Variants in TTLL1 observed in about 807,000 individuals in gnomAD.
TTLL1 encodes the protein polyglutamylase complex subunit TTLL1.
TTLL1 carries 33 observed loss-of-function variants against 47.8 expected under a neutral mutation model. That is an observed-to-expected ratio of 0.69 (90% CI 0.52 to 0.92). TTLL1 has a LOEUF of 0.92. TTLL1 is among the 40% of genes least tolerant of loss of function. The probability of loss-of-function intolerance (pLI) is 0.00; values close to 1 mark genes in which losing one functional copy is unlikely to be tolerated. For synonymous variants in TTLL1, 225 were observed against 214.1 expected (o/e 1.05, Z -0.45); for missense variants, 488 against 547.5 (o/e 0.89, Z 1.08).
intron 3 of TTLL1, among the ~76,000 whole-genome samples, chr22:43,071,568 C>A (rs1353752698): frequency 6.6e-6 from 1 of 152,076 alleles, no homozygotes; most frequent in African/African-American, 2.4e-5. Flanking sequence ...AACCACCACA[C>A]ACCGCTAATT....
At chr22:43,068,248 C>T (rs1239480218) in intron 5 of TTLL1, among the ~76,000 whole-genome samples, 162 bp downstream of exon 5, 1 of 151,844 alleles carries the variant, frequency 6.6e-6, no homozygotes, top group African/African-American at 2.4e-5. Context: ...ACCCAGAAGG[C>T]GGAGGTTGCA....
At chr22:43,066,145 C>T (rs12168127) in intron 5 of TTLL1, among the ~76,000 whole-genome samples, 22 of 141,654 alleles carry the variant, frequency 1.6e-4, no homozygotes, top group African/African-American at 3.2e-4. Flanking sequence ...GGAGACAGAG[C>T]GAGACACTGT....
intron 3 of TTLL1, 110 bp from the exon 4 acceptor site, chr22:43,069,954 C>T: frequency 1.4e-6 from 2 of 1,465,182 alleles, no homozygotes; most frequent in Non-Finnish European, 1.8e-6. Context: ...CACCACTACT[C>T]CCACATCCCC....
At chr22:43,076,656 T>C (rs190404974) in intron 2 of TTLL1, among the ~76,000 whole-genome samples, 1,610 of 140,376 alleles carry the variant, frequency 0.011, 11 homozygotes, top group African/African-American at 0.02. Context: ...GAGGCTGAGG[T>C]AGGAGAATCA....
chr22:43,082,504 T>G lies in TTLL1; in HGVS notation c.-89-2518A>C, dbSNP rs530970904. Among the ~76,000 whole-genome samples the G allele has an allele frequency of 4.6e-5, 7 of 151,904 alleles. No homozygotes were observed. The South Asian group carries it at 1.5e-3, about 32-fold the overall frequency. ...GCTGAGGTGGGTGGATCACCTAAGG[T>G]CTGGAGTTCGAGACCAGCCTGACCA... is the stretch of plus-strand genomic sequence containing the variant. On this transcript the variant is annotated intron_variant, in intron 1 of 10. Coordinates refer to ENST00000266254, the MANE Select transcript of TTLL1 (RefSeq NM_012263.5).
chr22:43,068,160 T>TA (rs1248474614), intron 5 of TTLL1, among the ~76,000 whole-genome samples: 1 of 147,778 alleles, frequency 6.8e-6, no homozygotes, highest in Non-Finnish European at 1.5e-5. Context: ...ATTAAAAAAA[T>TA]ACAAAAATTA....
chr22:43,076,639 T>A (rs545538499), intron 2 of TTLL1, among the ~76,000 whole-genome samples: 1 of 150,460 alleles, frequency 6.6e-6, no homozygotes, highest in East Asian at 2.0e-4. Context: ...TAATCCCAGC[T>A]ACTCGGGAGG....
At chr22:43,049,938 T>C (rs1926474962) in intron 9 of TTLL1, among the ~76,000 whole-genome samples, 1 of 146,260 alleles carries the variant, frequency 6.8e-6, no homozygotes, top group Non-Finnish European at 1.5e-5. Flanking sequence ...TCTGCTAAAA[T>C]ACAAAAAATT....
At chr22:43,055,220 C>T (rs1317129246) in intron 8 of TTLL1, among the ~76,000 whole-genome samples, 2 of 152,024 alleles carry the variant, frequency 1.3e-5, no homozygotes, top group Non-Finnish European at 2.9e-5. Context: ...GATGGGGTTT[C>T]ATCATGTTAT....
intron 1 of TTLL1, among the ~76,000 whole-genome samples, chr22:43,084,965 T>A (rs1246878912): frequency 1.0e-4 from 6 of 59,780 alleles, no homozygotes; most frequent in African/African-American, 2.1e-4. Flanking sequence ...CTGCCACCTT[T>A]TTTTTTTTTT....
At chr22:43,083,516 T>C (rs1249678930) in intron 1 of TTLL1, among the ~76,000 whole-genome samples, 1 of 152,142 alleles carries the variant, frequency 6.6e-6, no homozygotes, top group Non-Finnish European at 1.5e-5. Flanking sequence ...GCGGGTCACC[T>C]GAGGTCACGA....
rs1276868077 is a variant in TTLL1, at chr22:43,082,101, T to TGCC, written c.-89-2116_-89-2115insGGC. Among the ~76,000 whole-genome samples, 288 of 151,752 alleles carry TGCC rather than the reference T, an allele frequency of 1.9e-3. 1 individual carries two copies. Among genetic ancestry groups the TGCC allele is most frequent in the African/African-American group, 6.7e-3 (279 of 41,380 alleles). ...TCCTGACCTCAAGTGATCCATCCCC[T>TGCC]TCTGCCTCCCAAAGTGCTGGGATTA... On this transcript the variant is annotated intron_variant, in intron 1 of 10. Coordinates refer to ENST00000266254, the MANE Select transcript of TTLL1 (RefSeq NM_012263.5).
At chr22:43,087,760 C>A (rs994122727) in intron 1 of TTLL1, among the ~76,000 whole-genome samples, 1 of 150,292 alleles carries the variant, frequency 6.7e-6, no homozygotes, top group East Asian at 2.0e-4. Flanking sequence ...ATTGCTTGAA[C>A]CCGGGAGGCA....
rs114619013 is a variant in TTLL1 at position 43,059,698 on chromosome 22, G to A, written c.748-171C>T. On this transcript the variant is annotated intron_variant, in intron 7 of 10. Coordinates refer to ENST00000266254, the MANE Select transcript of TTLL1 (RefSeq NM_012263.5). ...GGGAGATCTGGGCCGGCTATTTTCC[G>A]TTTTGTTTTAAGACAGGGTCTCACT... Among the ~76,000 whole-genome samples, 571 of 152,114 alleles carry A rather than the reference G, an allele frequency of 3.8e-3. 1 individual carries two copies. The highest frequency in any genetic ancestry group is 0.013 in the African/African-American group (525 of 41,506).
At chr22:43,040,069 C>A in intron 10 of TTLL1, 164 bp from the exon 11 acceptor site, 1 of 876,576 alleles carries the variant, frequency 1.1e-6, no homozygotes, top group East Asian at 2.8e-5. Flanking sequence ...CACCTGGCTC[C>A]AGCCCACCTG....
chr22:43,051,871 T>A lies in TTLL1; in HGVS notation c.908A>T (p.Asp303Val). The A allele has an allele frequency of 6.2e-7, 1 of 1,613,982 alleles. No individual in the cohort carries two copies. ...LKAVAPVMNN[D>V]KHCFECYGYD... ...GCCATAGCATTCAAAGCAGTGCTTG[T>A]CATTGTTCATCACCGGCTGGAGAGA... is the stretch of plus-strand genomic sequence containing the variant. Residue 303 changes from aspartate to valine, a missense_variant, in exon 9 of 11, where the codon GAC becomes GTC. Physicochemically the swap from Asp to Val is radical, Grantham distance 152. Coordinates refer to ENST00000266254, the MANE Select transcript of TTLL1 (RefSeq NM_012263.5).
At chr22:43,051,701 G>A (rs886520533) in intron 9 of TTLL1, 100 bp downstream of exon 9, 7 of 1,142,982 alleles carry the variant, frequency 6.1e-6, no homozygotes, top group Non-Finnish European at 9.3e-6. Context: ...CCTGGCCTGA[G>A]AAACATCTGG....
chr22:43,045,470 A>ATTTTTT (rs57003421), intron 10 of TTLL1, among the ~76,000 whole-genome samples: 71 of 107,970 alleles, frequency 6.6e-4, no homozygotes, highest in Admixed American at 1.2e-3. Flanking sequence ...TATTATACCC[A>ATTTTTT]TTTTTTTTTT....
At chr22:43,065,348 G>A (rs1237143581) in intron 5 of TTLL1, among the ~76,000 whole-genome samples, 1 of 151,862 alleles carries the variant, frequency 6.6e-6, no homozygotes, top group Non-Finnish European at 1.5e-5. Context: ...GGAGTGCACT[G>A]GCGTGATCTT....
Sources: gnomAD v4.1 joint callset for allele counts (sites outside exome capture counted in the v4.1 genomes callset) on GRCh38, gnomAD v4.1.1 for gene constraint, MANE v1.5 for transcripts, NCBI Gene and HGNC (gene_info 2026-07-23, HGNC 2026-07-21) for gene names.